EYS: variants seen among roughly 807,000 people sequenced by gnomAD.
EYS encodes EGF-like photoreceptor maintenance factor, also known as protein eyes shut homolog.
EYS carries 250 observed loss-of-function variants against 282.1 expected under a neutral mutation model. The observed-to-expected ratio is 0.89, with a 90% CI of 0.80 to 0.98. The LOEUF is 0.98. EYS is among the 50% of genes least tolerant of loss of function. EYS has a pLI of 0.00. For missense variants in EYS, 4,016 were observed against 3,709.0 expected (o/e 1.08, Z -2.15); for synonymous variants, 1,355 against 1,282.9 (o/e 1.06, Z -1.20).
intron 12 of EYS, among the ~76,000 whole-genome samples, chr6:65,242,997 T>C (rs1767092388): frequency 6.6e-6 from 1 of 152,138 alleles, no homozygotes; most frequent in African/African-American, 2.4e-5. Context: ...TAAGTGTTCT[T>C]TATAAATTCT....
chr6:64,465,543 C>G (rs1320857733), intron 26 of EYS, among the ~76,000 whole-genome samples: 2 of 152,048 alleles, frequency 1.3e-5, no homozygotes, highest in Non-Finnish European at 2.9e-5. Context: ...AGTGGTTATC[C>G]ACATGCAGAC....
At chr6:64,297,233 CT>C (rs1769063675) in intron 30 of EYS, among the ~76,000 whole-genome samples, 1 of 78,776 alleles carries the variant, frequency 1.3e-5, no homozygotes, top group Non-Finnish European at 3.0e-5. Flanking sequence ...CATTGTCACA[CT>C]TCCCCCCCAT....
At position 65,615,386 on chromosome 6, in the gene EYS, T is replaced by TTATATA. The variant is rs3049825; in HGVS notation, c.-333+24386_-333+24391dup. On this transcript the variant is annotated intron_variant, in intron 2 of 42. Transcript: ENST00000503581. ...TCAAAACCGAGTTCATTTTATTTAT[T>TTATATA]TATATATATATATATGTGTGTGTAT... Among the ~76,000 whole-genome samples, 38 of 146,238 alleles carry TTATATA rather than the reference T, an allele frequency of 2.6e-4. 1 individual carries two copies. The highest frequency in any genetic ancestry group is 9.2e-4 in the African/African-American group (37 of 40,434).
rs201498090 is a variant in EYS at position 64,372,130 on chromosome 6, G to GTT, written c.6078+16558_6078+16559dup. Among the ~76,000 whole-genome samples the GTT allele has an allele frequency of 9.3e-4, 91 of 97,698 alleles. 3 individuals carry two copies. The highest frequency in any genetic ancestry group is 2.4e-3 in the East Asian group (7 of 2,920). The allele number at this position is 97,698 out of a possible 152,430, so 64.1% of individuals were successfully genotyped here. On this transcript the variant is annotated intron_variant, in intron 29 of 42. Coordinates refer to ENST00000503581, the MANE Select transcript of EYS (RefSeq NM_001142800.2). Reference sequence around the variant, plus strand: ...TAGCATCACTGGTCTGTATACTTGTGTTTTTTTTTTTTTTTTTTTTTTTTT... The same window carrying GTT: ...TAGCATCACTGGTCTGTATACTTGTGTTTTTTTTTTTTTTTTTTTTTTTTTTT...
At position 64,982,201 on chromosome 6, in the gene EYS, T is replaced by C. The variant is rs115734763; in HGVS notation, c.2259+15381A>G. Among the ~76,000 whole-genome samples the C allele has an allele frequency of 1.9e-3, 285 of 151,502 alleles. 2 individuals are homozygous for C. The highest frequency in any genetic ancestry group is 6.8e-3 in the African/African-American group (281 of 41,492). On this transcript the variant is annotated intron_variant, in intron 14 of 42. Transcript: ENST00000503581. ...GTATCTCTGCATGGTACCTTTTTCATGTTGGTCAGCCCATTAAATCAAATA... is the reference window on the plus strand; with the variant it reads ...GTATCTCTGCATGGTACCTTTTTCACGTTGGTCAGCCCATTAAATCAAATA...
At chr6:65,471,896 T>G (rs533385536) in intron 5 of EYS, among the ~76,000 whole-genome samples, 1 of 152,218 alleles carries the variant, frequency 6.6e-6, no homozygotes, top group Non-Finnish European at 1.5e-5. Context: ...AAATGAGACA[T>G]ATTTAAAAAC....
intron 19 of EYS, among the ~76,000 whole-genome samples, chr6:64,852,255 TG>T (rs1375577605): frequency 6.6e-6 from 1 of 152,122 alleles, no homozygotes; most frequent in African/African-American, 2.4e-5. Context: ...GTCAGTGTTC[TG>T]GGAAAAGCAG....
At chr6:64,427,224 GTGGATATGGACTTAA>G (rs1774438999) in intron 28 of EYS, among the ~76,000 whole-genome samples, 1 of 152,272 alleles carries the variant, frequency 6.6e-6, no homozygotes, top group African/African-American at 2.4e-5. Context: ...TAGAGAATCT[GTGGATATGGACTTAA>G]TGTATTCATT....
chr6:64,914,827 T>C (rs1456834590), intron 15 of EYS, among the ~76,000 whole-genome samples: 2 of 152,138 alleles, frequency 1.3e-5, no homozygotes, highest in East Asian at 3.8e-4. Context: ...TAATTGGCTG[T>C]GGGTAGAAAG....
chr6:64,883,633 A>G (rs965347248), intron 19 of EYS, among the ~76,000 whole-genome samples: 1 of 151,494 alleles, frequency 6.6e-6, no homozygotes, highest in African/African-American at 2.4e-5. Flanking sequence ...ATTTATATTC[A>G]TCTTTCCTAT....
intron 33 of EYS, among the ~76,000 whole-genome samples, chr6:64,057,020 T>C (rs1048522335): frequency 4.6e-5 from 7 of 152,186 alleles, no homozygotes; most frequent in African/African-American, 1.7e-4. Context: ...AGGACAGAAT[T>C]CTATCTCAAA....
At chr6:64,383,353 T>C (rs990839801) in intron 29 of EYS, among the ~76,000 whole-genome samples, 5 of 152,030 alleles carry the variant, frequency 3.3e-5, no homozygotes, top group Non-Finnish European at 7.4e-5. Context: ...AGGAATAAAT[T>C]GTAAATTGAG....
chr6:64,342,511 A>C (rs1238792770), intron 29 of EYS, among the ~76,000 whole-genome samples: 1 of 152,026 alleles, frequency 6.6e-6, no homozygotes. Flanking sequence ...AAACAAGCAA[A>C]TGCTGAGAGA....
chr6:65,691,307 T>C (rs1251760321), intron 1 of EYS, among the ~76,000 whole-genome samples: 1 of 150,468 alleles, frequency 6.6e-6, no homozygotes, highest in African/African-American at 2.4e-5. Context: ...CATTGCGGTT[T>C]TGATTTGCCT....
intron 29 of EYS, among the ~76,000 whole-genome samples, chr6:64,335,407 G>A (rs1561936607): frequency 1.3e-5 from 2 of 151,892 alleles, no homozygotes; most frequent in Non-Finnish European, 2.9e-5. Flanking sequence ...GTGCCTGCAG[G>A]GTCACAAGAC....
intron 30 of EYS, among the ~76,000 whole-genome samples, chr6:64,264,174 T>A (rs897406111): frequency 1.3e-5 from 2 of 152,128 alleles, no homozygotes; most frequent in Non-Finnish European, 2.9e-5. Context: ...AAATAGAAAC[T>A]TAGGACCATG....
At chr6:65,254,844 T>G (rs1767417878) in intron 12 of EYS, among the ~76,000 whole-genome samples, 1 of 151,856 alleles carries the variant, frequency 6.6e-6, no homozygotes, top group African/African-American at 2.4e-5. Context: ...AAAGTAACAT[T>G]TTGATAAAAG....
chr6:65,278,770 G>A (rs1039061801), intron 12 of EYS, among the ~76,000 whole-genome samples: 5 of 152,068 alleles, frequency 3.3e-5, no homozygotes, highest in Non-Finnish European at 5.9e-5. Context: ...ACAGTTCTGT[G>A]AAATATACTA....
At chr6:64,884,552 G>T (rs1767026158) in intron 19 of EYS, among the ~76,000 whole-genome samples, 1 of 151,366 alleles carries the variant, frequency 6.6e-6, no homozygotes, top group Admixed American at 6.6e-5. Context: ...TCACAAAACA[G>T]TAATGCTTTA....
Sources: allele counts gnomAD v4.1 joint callset (sites outside exome capture counted in the v4.1 genomes callset), GRCh38; gene constraint gnomAD v4.1.1; transcripts MANE v1.5; gene names NCBI Gene and HGNC (gene_info 2026-07-23, HGNC 2026-07-21).